Variants in PPARGC1B observed in about 807,000 individuals in gnomAD.
PPARGC1B encodes peroxisome proliferator-activated receptor gamma coactivator 1-beta.
Under a neutral mutation model 101.6 loss-of-function variants are expected in PPARGC1B, and 34 were observed. That is an observed-to-expected ratio of 0.33 (90% CI 0.25 to 0.45). The LOEUF (loss-of-function observed/expected upper bound fraction) is 0.45, where lower values mean the gene tolerates loss of function less well. Among genes scored for constraint, PPARGC1B ranks in the 20% least tolerant of loss-of-function variants. The pLI is 1.00. For missense variants in PPARGC1B, 1,234 were observed against 1,317.6 expected (o/e 0.94, Z 0.98); for synonymous variants, 548 against 539.3 (o/e 1.02, Z -0.22).
chr5:149,763,677 C>T (rs115993562), intron 1 of PPARGC1B, among the ~76,000 whole-genome samples: 42 of 152,104 alleles, frequency 2.8e-4, no homozygotes, highest in Admixed American at 9.2e-4. Flanking sequence ...ACTATAGGTG[C>T]GTGCCACTGC....
intron 1 of PPARGC1B, among the ~76,000 whole-genome samples, chr5:149,744,306 G>A (rs1056907491): frequency 2.0e-5 from 3 of 152,202 alleles, no homozygotes; most frequent in Admixed American, 2.0e-4. Flanking sequence ...ATGAGAAGCA[G>A]CACATTGGTT....
chr5:149,774,079 G>A (rs1388623669), intron 1 of PPARGC1B, among the ~76,000 whole-genome samples: 1 of 152,180 alleles, frequency 6.6e-6, no homozygotes, highest in Admixed American at 6.5e-5. Context: ...AGCAAAGAAG[G>A]TACTTGTCCT....
At chr5:149,769,654 G>A (rs1277793885) in intron 1 of PPARGC1B, among the ~76,000 whole-genome samples, 1 of 152,170 alleles carries the variant, frequency 6.6e-6, no homozygotes, top group Non-Finnish European at 1.5e-5. Flanking sequence ...CCTTAACACA[G>A]ATCTTGCCGT....
At position 149,836,611 on chromosome 5, in the gene PPARGC1B, T is replaced by C. The variant is rs142467847; in HGVS notation, c.2156T>C (p.Leu719Pro). 3 of 1,613,876 alleles carry C rather than the reference T, an allele frequency of 1.9e-6. No individual in the cohort carries two copies. Among genetic ancestry groups the C allele is most frequent in the Non-Finnish European group, 1.7e-6 (2 of 1,180,036 alleles). The change falls in exon 8 of 12, where the codon CTT (leucine) becomes CCT (proline). Residue 719 changes from leucine (L) to proline (P), a missense_variant. Coordinates refer to ENST00000309241, the MANE Select transcript of PPARGC1B (RefSeq NM_133263.4). ...TCCTGGGAGCCGTCTGGGGTTCACC[T>C]TGAGGACTGGCCCCAGCAGGGTGCC... Reference protein sequence around the residue: ...LRSWEPSGVHLEDWPQQGAPW... With the variant: ...LRSWEPSGVHPEDWPQQGAPW...
At chr5:149,774,340 C>T (rs79301533) in intron 1 of PPARGC1B, among the ~76,000 whole-genome samples, 3,863 of 152,288 alleles carry the variant, frequency 0.025, 82 homozygotes, top group Middle Eastern at 0.095. Context: ...GGTTTCCTCA[C>T]CTGCACAGCA....
rs1231510124 is a variant in PPARGC1B at position 149,800,917 on chromosome 5, C to T, written c.79-19516C>T. Among the ~76,000 whole-genome samples, 6 of 152,252 alleles carry T rather than the reference C, an allele frequency of 3.9e-5. No individual in the cohort carries two copies. The East Asian group carries it at 7.7e-4, about 20-fold the overall frequency. On this transcript the variant is annotated intron_variant, in intron 1 of 11. Transcript: ENST00000309241. ...CATTTACTGCTGAGGCGGCGGCACA[C>T]GCCTCCCTTGGCCATGACCCAAAGC... is the stretch of plus-strand genomic sequence containing the variant.
intron 1 of PPARGC1B, among the ~76,000 whole-genome samples, chr5:149,739,483 AG>A (rs910491383): frequency 2.0e-5 from 3 of 152,158 alleles, no homozygotes; most frequent in Non-Finnish European, 4.4e-5. Flanking sequence ...GGCTTGGGGC[AG>A]GGGGCCCTTG....
At chr5:149,815,092 T>A (rs1256011191) in intron 1 of PPARGC1B, among the ~76,000 whole-genome samples, 1 of 152,202 alleles carries the variant, frequency 6.6e-6, no homozygotes, top group African/African-American at 2.4e-5. Context: ...GGATGGTGAA[T>A]GAGGATCCTG....
intron 2 of PPARGC1B, among the ~76,000 whole-genome samples, chr5:149,822,771 C>T (rs1231830180): frequency 1.3e-5 from 2 of 152,148 alleles, no homozygotes; most frequent in Non-Finnish European, 2.9e-5. Context: ...CTCTGGGGGC[C>T]CTTGCACATT....
chr5:149,766,742 A>G lies in PPARGC1B; in HGVS notation c.78+36322A>G, dbSNP rs539186583. 1.5e-3 allele frequency among the ~76,000 whole-genome samples: 231 copies of G among 152,338 alleles called. 2 individuals carry two copies. The highest frequency in any genetic ancestry group is 5.3e-3 in the African/African-American group (222 of 41,574). On this transcript the variant is annotated intron_variant, in intron 1 of 11. Coordinates refer to ENST00000309241, the MANE Select transcript of PPARGC1B (RefSeq NM_133263.4). ...ACCCATCATGATTTCATTGGATTCTACTAAAGGCAAATATGGGGTGATTAT... is the reference window on the plus strand; with the variant it reads ...ACCCATCATGATTTCATTGGATTCTGCTAAAGGCAAATATGGGGTGATTAT...
rs141783146 is a variant in PPARGC1B at position 149,847,997 on chromosome 5, T to C, written c.*439T>C. 7.9e-3 allele frequency: 1,428 copies of C among 180,384 alleles called. 25 individuals are homozygous for C. Among genetic ancestry groups the C allele is most frequent in the African/African-American group, 0.032 (1,343 of 42,360 alleles). 11.2% of individuals were successfully genotyped at this position (180,384 alleles called of 1,614,324 possible). On this transcript the variant is annotated 3_prime_UTR_variant, in exon 12 of 12. Coordinates refer to ENST00000309241, the MANE Select transcript of PPARGC1B (RefSeq NM_133263.4). ...CTTCATTTTTAATTGAAAAAAAAAG[T>C]ATATCCTTAAAATAATGTATTTATG... is the stretch of plus-strand genomic sequence containing the variant.
intron 1 of PPARGC1B, among the ~76,000 whole-genome samples, chr5:149,815,408 A>G (rs1382272251): frequency 2.6e-5 from 4 of 152,166 alleles, no homozygotes; most frequent in Non-Finnish European, 5.9e-5. Context: ...ATGGTCATGT[A>G]CAAGCCAAGG....
intron 1 of PPARGC1B, among the ~76,000 whole-genome samples, chr5:149,766,296 A>T (rs903232854): frequency 1.3e-5 from 2 of 152,258 alleles, no homozygotes; most frequent in African/African-American, 2.4e-5. Flanking sequence ...TACTGGATTA[A>T]AAACAGAGTA....
chr5:149,779,223 C>A (rs1469462870), intron 1 of PPARGC1B, among the ~76,000 whole-genome samples: 3 of 152,196 alleles, frequency 2.0e-5, no homozygotes, highest in Admixed American at 6.5e-5. Context: ...GATTGCCAGG[C>A]CTCTCTGGCT....
intron 1 of PPARGC1B, among the ~76,000 whole-genome samples, chr5:149,783,988 A>C (rs1012181210): frequency 6.6e-6 from 1 of 152,046 alleles, no homozygotes; most frequent in Non-Finnish European, 1.5e-5. Flanking sequence ...GCCCCAGCCT[A>C]GGCAAGATGG....
intron 1 of PPARGC1B, among the ~76,000 whole-genome samples, chr5:149,747,133 C>T (rs1755121305): frequency 1.3e-5 from 2 of 152,008 alleles, no homozygotes; most frequent in South Asian, 4.2e-4. Flanking sequence ...TCTTTTGTTG[C>T]CTCTGCTTTT....
Position 149,826,561 on chromosome 5 carries a change from G to T in PPARGC1B, c.253-112G>T, listed in dbSNP as rs908854359. 195 of 812,328 alleles carry T rather than the reference G, an allele frequency of 2.4e-4. 1 individual carries two copies. Among genetic ancestry groups the T allele is most frequent in the Middle Eastern group, 1.5e-3 (6 of 3,930 alleles). 50.3% of individuals were successfully genotyped at this position (812,328 alleles called of 1,614,324 possible). ...GGGGAGGGTATGGCAGGAGGGTGTT[G>T]GTGGGCCAGCTGGCTGGGCAGAGCT... On this transcript the variant is annotated intron_variant, in intron 2 of 11. Coordinates refer to ENST00000309241, the MANE Select transcript of PPARGC1B (RefSeq NM_133263.4).
intron 1 of PPARGC1B, among the ~76,000 whole-genome samples, chr5:149,793,412 G>A (rs1224238015): frequency 6.6e-6 from 1 of 152,112 alleles, no homozygotes; most frequent in Non-Finnish European, 1.5e-5. Context: ...AAATCCCAGT[G>A]TGCTGTTTAA....
chr5:149,795,389 G>A (rs4705380), intron 1 of PPARGC1B, among the ~76,000 whole-genome samples: 20,983 of 152,078 alleles, frequency 0.14, 1,606 homozygotes, highest in Admixed American at 0.24. Flanking sequence ...GCATAAGGTG[G>A]GGCATTGGAC....
Sources: gnomAD v4.1 joint callset for allele counts (sites outside exome capture counted in the v4.1 genomes callset) on GRCh38, gnomAD v4.1.1 for gene constraint, MANE v1.5 for transcripts, NCBI Gene and HGNC (gene_info 2026-07-23, HGNC 2026-07-21) for gene names.